The following FNTB variants were observed in gnomAD, a reference collection of about 807,000 sequenced individuals.
FNTB encodes farnesyltransferase, CAAX box, subunit beta.
A neutral mutation model predicts 59.4 loss-of-function variants in FNTB; 27 were observed. The observed-to-expected ratio is 0.45, with a 90% CI of 0.34 to 0.63. The LOEUF (loss-of-function observed/expected upper bound fraction) is 0.63, where lower values mean the gene tolerates loss of function less well. Among genes scored for constraint, FNTB ranks in the 20% least tolerant of loss-of-function variants. The pLI, the probability that FNTB is intolerant of heterozygous loss-of-function variation, is 0.02. For synonymous variants in FNTB, 230 were observed against 220.7 expected (o/e 1.04, Z -0.37); for missense variants, 449 against 559.6 (o/e 0.80, Z 1.99).
rs182815109 is a variant in FNTB, at chr14:65,039,211, G to A, written c.693-1579G>A. Among the ~76,000 whole-genome samples the A allele has an allele frequency of 1.8e-4, 28 of 152,234 alleles. No homozygotes were observed. In the East Asian group the frequency reaches 5.2e-3, roughly 28 times the overall value. ...CAGTGTCTGTAGGGTTTTTCCCTTG[G>A]GCTTATCAGTTCCCTCAGAGAGGAA... On this transcript the variant is annotated intron_variant, in intron 7 of 11. Coordinates refer to ENST00000246166, the MANE Select transcript of FNTB (RefSeq NM_002028.4).
In FNTB at chr14:64,990,151, C is replaced by T. The variant is rs901732476; in HGVS notation, c.144+3054C>T. Reference sequence around the variant, plus strand: ...GCAAACCAGAGAGTAGGAGATGGGTCGGATCATGTAGGGTCTCATTGGCCT... The same window carrying T: ...GCAAACCAGAGAGTAGGAGATGGGTTGGATCATGTAGGGTCTCATTGGCCT... On this transcript the variant is annotated intron_variant, in intron 1 of 11. Transcript: ENST00000246166. The surrounding 1 kb of genome is among the most constrained non-coding windows in gnomAD (Gnocchi z 5.2). Among the ~76,000 whole-genome samples the T allele has an allele frequency of 1.3e-5, 2 of 152,118 alleles. No individual in the cohort carries two copies. Among genetic ancestry groups the T allele is most frequent in the Non-Finnish European group, 2.9e-5 (2 of 68,022 alleles).
intron 7 of FNTB, among the ~76,000 whole-genome samples, chr14:65,038,369 C>T (rs1357087628): frequency 6.6e-6 from 1 of 151,286 alleles, no homozygotes; most frequent in Non-Finnish European, 1.5e-5. Flanking sequence ...GAGATCGCAC[C>T]ATTGCACTCC....
chr14:65,031,916 G>A lies in FNTB; in HGVS notation c.606-694G>A, dbSNP rs1172635579. Among the ~76,000 whole-genome samples, 1 of 151,764 alleles carries A rather than the reference G, an allele frequency of 6.6e-6. No homozygotes were observed. Among genetic ancestry groups the A allele is most frequent in the Non-Finnish European group, 1.5e-5 (1 of 67,976 alleles). On this transcript the variant is annotated intron_variant, in intron 6 of 11. Transcript: ENST00000246166. This position sits in a 1 kb window ranked among gnomAD's most constrained non-coding sequence, Gnocchi z 4.6. Reference sequence around the variant, plus strand: ...AGCCTGGGCGACAGAGTGAGACCCTGTCTCAATAAAAACCAAAACAAAAGC... The same window carrying A: ...AGCCTGGGCGACAGAGTGAGACCCTATCTCAATAAAAACCAAAACAAAAGC...
At chr14:65,006,654 G>C (rs965413688) in intron 2 of FNTB, among the ~76,000 whole-genome samples, 1 of 152,212 alleles carries the variant, frequency 6.6e-6, no homozygotes, top group Non-Finnish European at 1.5e-5. Context: ...ACTGTCCACT[G>C]CCTGGGCTCT....
At chr14:65,037,751 TATTTATTTA>T (rs2062241577) in intron 7 of FNTB, among the ~76,000 whole-genome samples, 22 of 106,860 alleles carry the variant, frequency 2.1e-4, no homozygotes, top group South Asian at 8.5e-4. Flanking sequence ...ATTATTTATT[TATTTATTTA>T]TTTATTTATT....
In FNTB at chr14:65,054,424, T is replaced by A. The variant is rs954316450; in HGVS notation, c.1068-151T>A. The A allele has an allele frequency of 4.0e-6, 3 of 750,718 alleles. No individual in the cohort carries two copies. Among genetic ancestry groups the A allele is most frequent in the Non-Finnish European group, 6.4e-6 (3 of 465,242 alleles). 46.5% of individuals were successfully genotyped at this position (750,718 alleles called of 1,614,324 possible). A position where few individuals can be genotyped will look rare whatever the true frequency, so the allele number is the denominator to read the frequency against. Reference sequence around the variant, plus strand: ...TGTGCTCAGCCAGTGGGGCTTTAAATAACACTGCTGGGAAAACCATGCCTC... The same window carrying A: ...TGTGCTCAGCCAGTGGGGCTTTAAAAAACACTGCTGGGAAAACCATGCCTC... On this transcript the variant is annotated intron_variant, in intron 10 of 11. Transcript: ENST00000246166. This position sits in a 1 kb window ranked among gnomAD's most constrained non-coding sequence, Gnocchi z 4.4.
At chr14:64,995,107 C>T (rs1480706283) in intron 1 of FNTB, among the ~76,000 whole-genome samples, 7 of 152,120 alleles carry the variant, frequency 4.6e-5, no homozygotes, top group African/African-American at 1.4e-4. Flanking sequence ...AAGACACAAA[C>T]GCACACATTA....
At chr14:65,017,026 G>A (rs1482923946) in intron 4 of FNTB, among the ~76,000 whole-genome samples, 1 of 148,612 alleles carries the variant, frequency 6.7e-6, no homozygotes, top group African/African-American at 2.5e-5. Flanking sequence ...GGGTTCAAGC[G>A]ATTCTCCTGC....
chr14:65,054,535 G>T lies in FNTB; in HGVS notation c.1068-40G>T. On this transcript the variant is annotated intron_variant, in intron 10 of 11. Transcript: ENST00000246166. The surrounding 1 kb of genome is among the most constrained non-coding windows in gnomAD (Gnocchi z 4.4). ...GTGGCTACATTTGTAGATGTGTGCG[G>T]AGCAGAGGAGCGCCTGCTCAGAGCT... is the stretch of plus-strand genomic sequence containing the variant. The T allele has an allele frequency of 6.3e-7, 1 of 1,587,668 alleles. No individual in the cohort carries two copies.
chr14:65,047,057 A>C lies in FNTB; in HGVS notation c.955+2614A>C, dbSNP rs898503899. On this transcript the variant is annotated intron_variant, in intron 9 of 11. Transcript: ENST00000246166. This position sits in a 1 kb window ranked among gnomAD's most constrained non-coding sequence, Gnocchi z 5.2. ...CAAACCAGTAAGAAATGGATGGACA[A>C]CCCAACTGAAAAACAGGCAAAGGAT... Among the ~76,000 whole-genome samples the C allele has an allele frequency of 2.0e-5, 3 of 152,334 alleles. No individual in the cohort carries two copies. In the South Asian group the frequency reaches 6.2e-4, roughly 32 times the overall value.
Position 65,054,452 on chromosome 14 carries a change from C to A in FNTB, c.1068-123C>A. Reference sequence around the variant, plus strand: ...CACTGCTGGGAAAACCATGCCTCCTCTAGCCACATGGAGGATGGGGGGGGA... The same window carrying A: ...CACTGCTGGGAAAACCATGCCTCCTATAGCCACATGGAGGATGGGGGGGGA... On this transcript the variant is annotated intron_variant, in intron 10 of 11. Transcript: ENST00000246166. The surrounding 1 kb of genome is among the most constrained non-coding windows in gnomAD (Gnocchi z 4.4). 1 of 992,798 alleles carries A rather than the reference C, an allele frequency of 1.0e-6. No individual in the cohort carries two copies. The highest frequency in any genetic ancestry group is 1.5e-6 in the Non-Finnish European group (1 of 672,290). The allele number at this position is 992,798 out of a possible 1,614,324, so 61.5% of individuals were successfully genotyped here. A position where few individuals can be genotyped will look rare whatever the true frequency, so the allele number is the denominator to read the frequency against.
At chr14:64,993,045 C>T (rs892378074) in intron 1 of FNTB, among the ~76,000 whole-genome samples, 14 of 152,102 alleles carry the variant, frequency 9.2e-5, no homozygotes, top group Non-Finnish European at 2.1e-4. Flanking sequence ...CTGTGTTGCC[C>T]AGGCTGGTCC....
chr14:65,055,497 T>A (rs117576471), intron 11 of FNTB, among the ~76,000 whole-genome samples: 20 of 152,034 alleles, frequency 1.3e-4, no homozygotes, highest in Non-Finnish European at 7.4e-5. Context: ...CTTTTTTGTT[T>A]AAAAAAATTT....
At chr14:65,033,829 C>T (rs1409910154) in intron 7 of FNTB, among the ~76,000 whole-genome samples, 2 of 152,132 alleles carry the variant, frequency 1.3e-5, no homozygotes, top group Non-Finnish European at 2.9e-5. Flanking sequence ...TGCACTCCAG[C>T]CTGGGCGACA....
At chr14:65,046,246 G>A (rs1360827217) in intron 9 of FNTB, among the ~76,000 whole-genome samples, 1 of 152,170 alleles carries the variant, frequency 6.6e-6, no homozygotes, top group Non-Finnish European at 1.5e-5. Flanking sequence ...AAAGTGCTGG[G>A]ATTACAGGCG....
Position 65,060,945 on chromosome 14 carries a change from A to G in FNTB, c.1183-236A>G, listed in dbSNP as rs117326573. Among the ~76,000 whole-genome samples the G allele has an allele frequency of 8.4e-3, 1,264 of 150,308 alleles. 7 individuals are homozygous for G. Among genetic ancestry groups the G allele is most frequent in the Middle Eastern group, 0.017 (5 of 288 alleles). On this transcript the variant is annotated intron_variant, in intron 11 of 11. Coordinates refer to ENST00000246166, the MANE Select transcript of FNTB (RefSeq NM_002028.4). ...CTGTTTTCTCACATAATATGTTGTA[A>G]GTATTTGCCTGTATCGTTAAATATT... is the stretch of plus-strand genomic sequence containing the variant.
intron 11 of FNTB, among the ~76,000 whole-genome samples, chr14:65,058,686 T>C (rs1318101684): frequency 6.6e-6 from 1 of 152,254 alleles, no homozygotes; most frequent in Non-Finnish European, 1.5e-5. Context: ...AAGGTAGTGT[T>C]AAATTTTATT....
At chr14:65,040,329 A>G (rs192304771) in intron 7 of FNTB, among the ~76,000 whole-genome samples, 201 of 150,056 alleles carry the variant, frequency 1.3e-3, no homozygotes, top group East Asian at 0.011. Context: ...ACATATATGT[A>G]TATGTATGAT....
Position 65,012,079 on chromosome 14 carries a change from C to T in FNTB, c.210-238C>T, listed in dbSNP as rs551878482. The T allele has an allele frequency of 2.7e-5, 13 of 473,256 alleles. No homozygotes were observed. Among genetic ancestry groups the T allele is most frequent in the Non-Finnish European group, 4.7e-5 (12 of 257,852 alleles). 29.3% of individuals were successfully genotyped at this position (473,256 alleles called of 1,614,324 possible). A position where few individuals can be genotyped will look rare whatever the true frequency, so the allele number is the denominator to read the frequency against. On this transcript the variant is annotated intron_variant, in intron 2 of 11. Transcript: ENST00000246166. This position sits in a 1 kb window ranked among gnomAD's most constrained non-coding sequence, Gnocchi z 5.0. ...AAAGTCACTGCCTTTAGGAGACAAT[C>T]GCACTCTAAATGTCAGCTGGCATGG... is the stretch of plus-strand genomic sequence containing the variant.
Sources: allele counts gnomAD v4.1 joint callset (sites outside exome capture counted in the v4.1 genomes callset), GRCh38; gene constraint gnomAD v4.1.1; non-coding constraint Gnocchi (gnomAD v3.1); transcripts MANE v1.5; gene names NCBI Gene and HGNC (gene_info 2026-07-23, HGNC 2026-07-21).